Variants in PCDH17 observed in about 807,000 individuals in gnomAD.
PCDH17 encodes protocadherin-17.
In PCDH17, 21 loss-of-function variants were observed where a neutral mutation model predicts 67.7. The ratio of observed to expected loss-of-function variants is 0.31; its 90% CI spans 0.22 to 0.45. PCDH17 has a LOEUF of 0.45. Among genes scored for constraint, PCDH17 ranks in the 20% least tolerant of loss-of-function variants. PCDH17 has a pLI of 1.00. For missense variants in PCDH17, 1,471 were observed against 1,564.8 expected (o/e 0.94, Z 1.01); for synonymous variants, 701 against 656.7 (o/e 1.07, Z -1.03).
At position 57,634,704 on chromosome 13, in the gene PCDH17, C is replaced by T. The variant is rs1566214598; in HGVS notation, c.2158C>T (p.Leu720=). 1.2e-6 allele frequency: 2 copies of T among 1,613,910 alleles called. No homozygotes were observed. Among genetic ancestry groups the T allele is most frequent in the East Asian group, 2.2e-5 (1 of 44,838 alleles). ...VTLSTISIIL[L]AAMITIAVKC... is the part of the protein sequence containing the mutation. ...TCTGAGCACTATCTCCATCATCCTC[C>T]TAGCGGCCATGATCACCATCGCCGT... The change falls in exon 1 of 4, where the codon CTA becomes TTA. Residue 720 remains leucine, a synonymous_variant. Transcript: ENST00000377918. The surrounding 1 kb of genome is among the most constrained non-coding windows in gnomAD (Gnocchi z 7.8).
chr13:57,673,855 G>A (rs1049407885), intron 3 of PCDH17, among the ~76,000 whole-genome samples: 2 of 151,832 alleles, frequency 1.3e-5, no homozygotes, highest in Non-Finnish European at 1.5e-5. Context: ...CCACCCCCCT[G>A]TGCTGTCTTT....
intron 3 of PCDH17, among the ~76,000 whole-genome samples, chr13:57,720,490 C>T (rs1288449211): frequency 6.6e-6 from 1 of 151,546 alleles, no homozygotes; most frequent in African/African-American, 2.4e-5. Flanking sequence ...ATTTTATTTA[C>T]AATAATAAAA....
chr13:57,684,764 T>C (rs1424445139), intron 3 of PCDH17, among the ~76,000 whole-genome samples: 2 of 151,962 alleles, frequency 1.3e-5, no homozygotes, highest in Non-Finnish European at 2.9e-5. Context: ...ACTTCACTGG[T>C]TTTAGAACTA....
chr13:57,707,883 C>A (rs1358547377), intron 3 of PCDH17, among the ~76,000 whole-genome samples: 1 of 151,968 alleles, frequency 6.6e-6, no homozygotes, highest in Admixed American at 6.6e-5. Context: ...GGACACAAGT[C>A]TTTGGATTAA....
chr13:57,670,152 G>T lies in PCDH17; in HGVS notation c.2797+3319G>T, dbSNP rs376798914. ...TCAAACAATGTTTTATGCTATTCAC[G>T]TAATGAGTAGTTTACTCAGAAATAA... On this transcript the variant is annotated intron_variant, in intron 3 of 3. Transcript: ENST00000377918. Among the ~76,000 whole-genome samples, 4 of 151,814 alleles carry T rather than the reference G, an allele frequency of 2.6e-5. No individual in the cohort carries two copies. The East Asian group carries it at 7.7e-4, about 29-fold the overall frequency.
chr13:57,636,536 A>G (rs573252469), intron 1 of PCDH17, among the ~76,000 whole-genome samples: 26 of 152,226 alleles, frequency 1.7e-4, no homozygotes, highest in African/African-American at 5.5e-4. Context: ...ACACTACTAA[A>G]TATTAAAATA....
At position 57,656,281 on chromosome 13, in the gene PCDH17, T is replaced by C. The variant is rs753194503; in HGVS notation, c.2566-10187T>C. Among the ~76,000 whole-genome samples, 13 of 152,148 alleles carry C rather than the reference T, an allele frequency of 8.5e-5. 1 individual carries two copies. Among genetic ancestry groups the C allele is most frequent in the Middle Eastern group, 6.3e-3 (2 of 316 alleles). ...TTATAGTTTCCAAGCATGTCCATAGTAGCTAAATAAATTAGGCTAAAAACC... is the reference window on the plus strand; with the variant it reads ...TTATAGTTTCCAAGCATGTCCATAGCAGCTAAATAAATTAGGCTAAAAACC... On this transcript the variant is annotated intron_variant, in intron 1 of 3. Transcript: ENST00000377918.
rs1955922486 is a variant in PCDH17, at chr13:57,727,305, A to C, written c.*2011A>C. 6.6e-6 allele frequency: 1 copy of C among 152,598 alleles called. No homozygotes were observed. Among genetic ancestry groups the C allele is most frequent in the African/African-American group, 2.4e-5 (1 of 41,448 alleles). 9.5% of individuals were successfully genotyped at this position (152,598 alleles called of 1,614,324 possible). On this transcript the variant is annotated 3_prime_UTR_variant, in exon 4 of 4. Transcript: ENST00000377918. ...TGCATTATTTGCAAACTGGTGGATAATTTTGTGCCTTCTCTTCTGGCCACC... is the reference window on the plus strand; with the variant it reads ...TGCATTATTTGCAAACTGGTGGATACTTTTGTGCCTTCTCTTCTGGCCACC...
At chr13:57,694,818 G>A (rs553502152) in intron 3 of PCDH17, among the ~76,000 whole-genome samples, 37 of 151,112 alleles carry the variant, frequency 2.4e-4, no homozygotes, top group Admixed American at 1.5e-3. Flanking sequence ...AGTCCTCAGA[G>A]AGATCGTATG....
intron 3 of PCDH17, among the ~76,000 whole-genome samples, chr13:57,705,629 C>T (rs1031625972): frequency 7.2e-5 from 11 of 152,114 alleles, no homozygotes; most frequent in Non-Finnish European, 1.2e-4. Flanking sequence ...GTAAATTTAT[C>T]CCTGGAGATG....
rs534913711 is a variant in PCDH17 at position 57,668,346 on chromosome 13, A to G, written c.2797+1513A>G. ...ATAGATAATTGATTGGCTACTACTT[A>G]TGAAAATGCCTAAAGTAAGTGAAGA... On this transcript the variant is annotated intron_variant, in intron 3 of 3. Transcript: ENST00000377918. 5.3e-5 allele frequency among the ~76,000 whole-genome samples: 8 copies of G among 152,204 alleles called. No homozygotes were observed. The South Asian group carries it at 1.7e-3, about 31-fold the overall frequency.
intron 1 of PCDH17, among the ~76,000 whole-genome samples, chr13:57,641,558 G>GA (rs71209470): frequency 7.8e-4 from 19 of 24,516 alleles, no homozygotes; most frequent in East Asian, 1.2e-3. Context: ...GTGTTTGAGA[G>GA]AAAAAAAAAA....
chr13:57,723,533 C>T (rs1279586295), intron 3 of PCDH17, among the ~76,000 whole-genome samples: 1 of 152,056 alleles, frequency 6.6e-6, no homozygotes, highest in Non-Finnish European at 1.5e-5. Flanking sequence ...TGGCAAATCC[C>T]AAGGGCGCCT....
chr13:57,691,479 A>C (rs1041845246), intron 3 of PCDH17, among the ~76,000 whole-genome samples: 1 of 151,254 alleles, frequency 6.6e-6, no homozygotes, highest in Non-Finnish European at 1.5e-5. Flanking sequence ...AAAAAACATA[A>C]GGACCATGGA....
At chr13:57,703,809 T>C (rs1955690679) in intron 3 of PCDH17, among the ~76,000 whole-genome samples, 1 of 152,136 alleles carries the variant, frequency 6.6e-6, no homozygotes, top group South Asian at 2.1e-4. Context: ...AGGAATCTAC[T>C]TAATTATGAC....
In PCDH17 at chr13:57,724,851, G is replaced by A. The variant is rs1447100045; in HGVS notation, c.3037G>A (p.Ala1013Thr). The A allele has an allele frequency of 6.2e-7, 1 of 1,614,132 alleles. No homozygotes were observed. The highest frequency in any genetic ancestry group is 8.5e-7 in the Non-Finnish European group (1 of 1,180,016). Residue 1013 changes from alanine to threonine, a missense_variant, in exon 4 of 4, where the codon GCC becomes ACC. By Grantham distance (58) the Ala-to-Thr change is moderately conservative. Around this residue, in one of 3 missense-constraint regions of PCDH17, gnomAD observed 297 missense variants for 298.6 expected, o/e 0.99. Coordinates refer to ENST00000377918, the MANE Select transcript of PCDH17 (RefSeq NM_001040429.3). ...CAAGCGAGAGCACACTATTCTCATT[G>A]CCAACGTTAAACCTTATTTAAAAGC... ...KDKREHTILI[A>T]NVKPYLKAKR...
chr13:57,630,353 TAA>T (rs77570917), upstream of PCDH17, among the ~76,000 whole-genome samples: 2 of 137,874 alleles, frequency 1.5e-5, no homozygotes, highest in African/African-American at 2.7e-5. Flanking sequence ...AAGGAGGAAT[TAA>T]AAAAAAAAAA....
intron 1 of PCDH17, among the ~76,000 whole-genome samples, chr13:57,661,671 T>C (rs965959242): frequency 2.0e-5 from 3 of 152,256 alleles, no homozygotes; most frequent in Admixed American, 6.5e-5. Context: ...TGTGTGTGTC[T>C]AATGTGTAAG....
At position 57,725,034 on chromosome 13, in the gene PCDH17, A is replaced by G. The variant is rs771576818; in HGVS notation, c.3220A>G (p.Thr1074Ala). Residue 1074 changes from threonine (T) to alanine (A), a missense_variant, in exon 4 of 4, where the codon ACT (threonine) becomes GCT (alanine). Physicochemically the swap from Thr to Ala is moderately conservative, Grantham distance 58. Around this residue, in one of 3 missense-constraint regions of PCDH17, gnomAD observed 297 missense variants for 298.6 expected, o/e 0.99. Transcript: ENST00000377918. ...LAEASSQYLP[T>A]DSQYLSPSKQ... ...TGAAGCAAGCAGTCAGTACTTGCCC[A>G]CTGACAGTCAATATCTGTCACCTAG... 1 of 1,614,146 alleles carries G rather than the reference A, an allele frequency of 6.2e-7. No individual in the cohort carries two copies. The highest frequency in any genetic ancestry group is 8.5e-7 in the Non-Finnish European group (1 of 1,180,006).
Sources: allele counts gnomAD v4.1 joint callset (sites outside exome capture counted in the v4.1 genomes callset), GRCh38; gene constraint gnomAD v4.1.1; regional missense constraint gnomAD v4.1.1; non-coding constraint Gnocchi (gnomAD v3.1); transcripts MANE v1.5; gene names NCBI Gene and HGNC (gene_info 2026-07-23, HGNC 2026-07-21).